The following KDM5A variants were observed in gnomAD, a reference collection of about 807,000 sequenced individuals.
KDM5A encodes the protein lysine demethylase 5A.
A neutral mutation model predicts 193.5 loss-of-function variants in KDM5A; 42 were observed. The ratio of observed to expected loss-of-function variants is 0.22; its 90% CI spans 0.17 to 0.28. The LOEUF (loss-of-function observed/expected upper bound fraction) is 0.28, where lower values mean the gene tolerates loss of function less well. Ranked by LOEUF, KDM5A falls within the 10% of genes least tolerant of loss-of-function variation. The probability of loss-of-function intolerance (pLI) is 1.00; values close to 1 mark genes in which losing one functional copy is unlikely to be tolerated. For missense variants in KDM5A, 1,692 were observed against 2,055.1 expected (o/e 0.82, Z 3.42); for synonymous variants, 796 against 718.1 (o/e 1.11, Z -1.73).
Position 307,025 on chromosome 12 carries a change from G to A in KDM5A, c.3995C>T (p.Pro1332Leu), listed in dbSNP as rs1468177616. 6.2e-7 allele frequency: 1 copy of A among 1,613,936 alleles called. No individual in the cohort carries two copies. Among genetic ancestry groups the A allele is most frequent in the Non-Finnish European group, 8.5e-7 (1 of 1,179,958 alleles). The change falls in exon 24 of 28, where the codon CCT (proline) becomes CTT (leucine). Residue 1332 changes from proline to leucine, a missense_variant. This residue lies in a region of KDM5A where 965 missense variants were observed against 1,061.0 expected (regional missense o/e 0.91). Transcript: ENST00000399788. The surrounding 1 kb of genome is among the most constrained non-coding windows in gnomAD (Gnocchi z 4.3). The part of the protein sequence containing the change: ...NRVVSSVSSS[P>L]RQTMDYDDEE... ...ATCATCATAGTCCATTGTTTGTCGA[G>A]GAGAAGATGACACACTGCTCACCAC...
chr12:289,757 G>A (rs182165244), intron 27 of KDM5A, among the ~76,000 whole-genome samples: 1 of 151,374 alleles, frequency 6.6e-6, no homozygotes, highest in Non-Finnish European at 1.5e-5. Flanking sequence ...TATTTTGGGG[G>A]AAAAGTCCCA....
chr12:373,945 C>G lies in KDM5A; in HGVS notation c.367-7841G>C, dbSNP rs542530973. Among the ~76,000 whole-genome samples, 4 of 152,270 alleles carry G rather than the reference C, an allele frequency of 2.6e-5. No homozygotes were observed. The South Asian group carries it at 8.3e-4, about 32-fold the overall frequency. On this transcript the variant is annotated intron_variant, in intron 3 of 27. Transcript: ENST00000399788. ...TTTGATTGCACTGTGGTCTGAGAGA[C>G]AGTTTGTTATAATTTCTGGTCTTTT...
chr12:355,373 T>C (rs1475453501), intron 6 of KDM5A, 124 bp from the exon 7 acceptor site: 4 of 687,288 alleles, frequency 5.8e-6, no homozygotes, highest in African/African-American at 1.8e-5. Context: ...GAGGTAGATA[T>C]ACTATTTATT....
chr12:378,100 G>A (rs1168893949), intron 3 of KDM5A, among the ~76,000 whole-genome samples: 2 of 152,258 alleles, frequency 1.3e-5, no homozygotes, highest in African/African-American at 4.8e-5. Flanking sequence ...TTAACAGTAG[G>A]AAATCAGTAT....
chr12:357,225 C>A (rs138289342), intron 5 of KDM5A, among the ~76,000 whole-genome samples: 1 of 151,582 alleles, frequency 6.6e-6, no homozygotes, highest in African/African-American at 2.4e-5. Context: ...GGCAGTGAGG[C>A]GAGATCACGC....
In KDM5A at chr12:360,285, A is replaced by G. The variant is rs536716402; in HGVS notation, c.672+2678T>C. On this transcript the variant is annotated intron_variant, in intron 5 of 27. Coordinates refer to ENST00000399788, the MANE Select transcript of KDM5A (RefSeq NM_001042603.3). ...CAAGACTCTGTCTTAAAAAAAAAAG[A>G]CAAGATTTGAGAGTTCTGAGCATTA... is the stretch of plus-strand genomic sequence containing the variant. Among the ~76,000 whole-genome samples, 169 of 152,166 alleles carry G rather than the reference A, an allele frequency of 1.1e-3. 1 individual carries two copies. The highest frequency in any genetic ancestry group is 2.0e-3 in the Non-Finnish European group (136 of 67,992).
At chr12:322,943 C>A in intron 16 of KDM5A, 139 bp downstream of exon 16, 1 of 1,106,310 alleles carries the variant, frequency 9.0e-7, no homozygotes, top group South Asian at 1.5e-5. Context: ...AGTCTATATT[C>A]AATCAACCCA....
In KDM5A at chr12:307,129, C is replaced by CT. The variant is rs1485822004; in HGVS notation, c.3931-41dup. ...ATTCCAAGATGAACAGCAAGACATG[C>CT]TAAACAGACAGGGTAATTAATGTGT... On this transcript the variant is annotated intron_variant, in intron 23 of 27. Transcript: ENST00000399788. The surrounding 1 kb of genome is among the most constrained non-coding windows in gnomAD (Gnocchi z 4.3). 2 of 1,612,374 alleles carry CT rather than the reference C, an allele frequency of 1.2e-6. No individual in the cohort carries two copies. The highest frequency in any genetic ancestry group is 4.5e-5 in the East Asian group (2 of 44,828).
intron 10 of KDM5A, among the ~76,000 whole-genome samples, chr12:337,308 C>T (rs896212305): frequency 5.3e-5 from 8 of 152,100 alleles, no homozygotes; most frequent in Non-Finnish European, 1.2e-4. Context: ...TATAGCAGTA[C>T]AAGAATGGAC....
Position 291,745 on chromosome 12 carries a change from G to T in KDM5A, c.4866+1014C>A, listed in dbSNP as rs542143035. On this transcript the variant is annotated intron_variant, in intron 27 of 27. Coordinates refer to ENST00000399788, the MANE Select transcript of KDM5A (RefSeq NM_001042603.3). Reference sequence around the variant, plus strand: ...AGATTTATCAATATTCTTGATAAGAGCCGTAACAGGTGCCTCCAATCATTT... The same window carrying T: ...AGATTTATCAATATTCTTGATAAGATCCGTAACAGGTGCCTCCAATCATTT... Among the ~76,000 whole-genome samples the T allele has an allele frequency of 2.6e-5, 4 of 152,208 alleles. No homozygotes were observed. In the East Asian group the frequency reaches 5.8e-4, roughly 22 times the overall value.
intron 24 of KDM5A, among the ~76,000 whole-genome samples, chr12:305,268 T>G (rs1008704324): frequency 6.6e-6 from 1 of 151,980 alleles, no homozygotes; most frequent in Admixed American, 6.6e-5. Flanking sequence ...TACCATATAA[T>G]AAGATATTTT....
intron 3 of KDM5A, among the ~76,000 whole-genome samples, chr12:378,815 C>T (rs911007143): frequency 2.0e-5 from 3 of 151,934 alleles, no homozygotes; most frequent in East Asian, 1.9e-4. Context: ...AAAAATTAGC[C>T]GGGCGTGGTG....
intron 26 of KDM5A, 113 bp from the exon 27 acceptor site, chr12:293,282 C>T: frequency 1.2e-6 from 1 of 820,512 alleles, no homozygotes; most frequent in Non-Finnish European, 1.9e-6. Flanking sequence ...GAAAGTCGAA[C>T]AGAGGTTACC....
rs777957284 is a variant in KDM5A, at chr12:323,710, T to C, written c.2040A>G (p.Arg680=). 76 of 1,614,164 alleles carry C rather than the reference T, an allele frequency of 4.7e-5. No individual in the cohort carries two copies. In the East Asian group the frequency reaches 1.6e-3, roughly 34 times the overall value. The change falls in exon 15 of 28, where the codon AGA becomes AGG. Residue 680 remains arginine (R), a synonymous_variant. Transcript: ENST00000399788. The part of the protein sequence containing the change: ...PDDERQCSAC[R]TTCFLSALTC... ...TGAGAGCAGAGAGAAAACATGTGGTTCTGCATGCTGAACACTGCCGCTCAT... is the reference window on the plus strand; with the variant it reads ...TGAGAGCAGAGAGAAAACATGTGGTCCTGCATGCTGAACACTGCCGCTCAT...
intron 17 of KDM5A, chr12:322,127 C>T (rs1943724792): frequency 2.9e-6 from 1 of 349,516 alleles, no homozygotes; most frequent in East Asian, 4.9e-5. Flanking sequence ...GGGAACAAGC[C>T]ACCTGGATAC....
chr12:298,627 C>T (rs182167668), intron 24 of KDM5A, among the ~76,000 whole-genome samples: 81 of 152,212 alleles, frequency 5.3e-4, no homozygotes, highest in African/African-American at 1.9e-3. Flanking sequence ...TTCCAAAAAC[C>T]AGAATGCCTC....
At chr12:296,952 C>T (rs913936930) in intron 25 of KDM5A, 89 bp downstream of exon 25, 7 of 1,342,684 alleles carry the variant, frequency 5.2e-6, no homozygotes, top group South Asian at 2.4e-5. Context: ...GTACTCCACT[C>T]GAAATGGAGT....
rs777454881 is a variant in KDM5A at position 307,565 on chromosome 12, C to T, written c.3819G>A (p.Leu1273=). 2 of 1,614,120 alleles carry T rather than the reference C, an allele frequency of 1.2e-6. No homozygotes were observed. Among genetic ancestry groups the T allele is most frequent in the Non-Finnish European group, 1.7e-6 (2 of 1,180,020 alleles). ...ALATDELSSA[L]AKLSVLSQRM... is the part of the protein sequence containing the mutation. The stretch of plus-strand genomic sequence containing the variant: ...GCTGGCTCAACACAGATAGTTTGGC[C>T]AGGGCAGAGGATAGTTCATCTGTGG... Residue 1273 remains leucine, a synonymous_variant, in exon 23 of 28, where the codon CTG becomes CTA. Coordinates refer to ENST00000399788, the MANE Select transcript of KDM5A (RefSeq NM_001042603.3). The surrounding 1 kb of genome is among the most constrained non-coding windows in gnomAD (Gnocchi z 4.3).
chr12:322,375 A>G (rs1943728263), intron 17 of KDM5A, 42 bp downstream of exon 17: 2 of 1,598,688 alleles, frequency 1.3e-6, no homozygotes, highest in Admixed American at 1.7e-5. Flanking sequence ...ACTCTGAAAG[A>G]AACAGGAAAA....
Sources: gnomAD v4.1 joint callset for allele counts (sites outside exome capture counted in the v4.1 genomes callset) on GRCh38, gnomAD v4.1.1 for gene constraint, gnomAD v4.1.1 regional missense constraint, Gnocchi (gnomAD v3.1) non-coding constraint, MANE v1.5 for transcripts, NCBI Gene and HGNC (gene_info 2026-07-23, HGNC 2026-07-21) for gene names.